Variants in ABCC9 observed in about 807,000 individuals in gnomAD.
ABCC9 encodes ATP-binding cassette sub-family C member 9.
Under a neutral mutation model 188.3 loss-of-function variants are expected in ABCC9, and 95 were observed. That is an observed-to-expected ratio of 0.50 (90% CI 0.43 to 0.60). ABCC9 has a LOEUF of 0.60. Among genes scored for constraint, ABCC9 ranks in the 20% least tolerant of loss-of-function variants. The pLI is 0.00. For missense variants in ABCC9, 1,102 were observed against 1,876.3 expected (o/e 0.59, Z 7.62); for synonymous variants, 659 against 652.7 (o/e 1.01, Z -0.15).
At chr12:21,851,615 C>T (rs1944968480) in intron 24 of ABCC9, among the ~76,000 whole-genome samples, 1 of 152,116 alleles carries the variant, frequency 6.6e-6, no homozygotes, top group Non-Finnish European at 1.5e-5. Flanking sequence ...TCTTTCACCC[C>T]AGAAGCCTTA....
At chr12:21,849,289 A>G (rs1158281999) in intron 24 of ABCC9, among the ~76,000 whole-genome samples, 1 of 152,094 alleles carries the variant, frequency 6.6e-6, no homozygotes, top group Non-Finnish European at 1.5e-5. Flanking sequence ...CTCATACAAC[A>G]TGTCTGATTT....
chr12:21,807,562 T>C (rs2137119361), intron 37 of ABCC9, 83 bp from the exon 38 acceptor site: 1 of 1,581,040 alleles, frequency 6.3e-7, no homozygotes, highest in Non-Finnish European at 8.7e-7. Context: ...AAACACATTA[T>C]GTTGTATGAC....
chr12:21,876,069 T>TAA (rs1454951923), intron 16 of ABCC9, among the ~76,000 whole-genome samples: 1 of 151,712 alleles, frequency 6.6e-6, no homozygotes, highest in Non-Finnish European at 1.5e-5. Flanking sequence ...TAAAATAAAA[T>TAA]AAAATAAAAA....
At chr12:21,937,702 A>T (rs1165445897) in intron 2 of ABCC9, among the ~76,000 whole-genome samples, 5 of 152,216 alleles carry the variant, frequency 3.3e-5, no homozygotes, top group African/African-American at 1.2e-4. Context: ...GGCACTTTGC[A>T]TATCTTAAAT....
At chr12:21,825,839 C>G (rs61928477) in intron 31 of ABCC9, among the ~76,000 whole-genome samples, 3,485 of 151,978 alleles carry the variant, frequency 0.023, 52 homozygotes, top group Non-Finnish European at 0.038. Context: ...GGAGAACGTC[C>G]CAAATTCAAC....
chr12:21,935,752 T>C (rs759274178), intron 3 of ABCC9, among the ~76,000 whole-genome samples: 84 of 152,228 alleles, frequency 5.5e-4, no homozygotes, highest in Admixed American at 1.2e-3. Context: ...ATTCTTTAGA[T>C]GAGCGTTGGT....
intron 11 of ABCC9, among the ~76,000 whole-genome samples, chr12:21,907,341 G>T (rs1405164224): frequency 6.6e-6 from 1 of 151,984 alleles, no homozygotes; most frequent in African/African-American, 2.4e-5. Context: ...CATGCAACTC[G>T]CTTGTCATAG....
In ABCC9 at chr12:21,845,711, C is replaced by G; in HGVS notation, c.2988G>C (p.Leu996=). The change falls in exon 26 of 40, where the codon CTG becomes CTC. Residue 996 remains leucine (L), a synonymous_variant. Transcript: ENST00000261200. Reference sequence around the variant, plus strand: ...GCTTCAAAAGCTTAGAGAAAATCATCAGGATGAGCAGGAAGAATCCTCCAG... The same window carrying G: ...GCTTCAAAAGCTTAGAGAAAATCATGAGGATGAGCAGGAAGAATCCTCCAG... ...LTSGGFFLLI[L]MIFSKLLKHS... The G allele has an allele frequency of 6.2e-7, 1 of 1,613,880 alleles. No individual in the cohort carries two copies. The highest frequency in any genetic ancestry group is 8.5e-7 in the Non-Finnish European group (1 of 1,179,852).
At chr12:21,925,682 C>A (rs1041358681) in intron 5 of ABCC9, 4 of 623,540 alleles carry the variant, frequency 6.4e-6, no homozygotes, top group Admixed American at 5.2e-5. Context: ...TTTCTTCCCC[C>A]ACCCCCCTAC....
chr12:21,852,577 T>C lies in ABCC9; in HGVS notation c.2506-72A>G. ...TACATAACTCAATTCCTCTCGAAAA[T>C]AGTAATACAAATAACTAAGGGCAAA... On this transcript the variant is annotated intron_variant, in intron 22 of 39. Coordinates refer to ENST00000261200, the MANE Select transcript of ABCC9 (RefSeq NM_020297.4). 17 of 1,538,150 alleles carry C rather than the reference T, an allele frequency of 1.1e-5. No homozygotes were observed. The East Asian group carries it at 1.4e-4, about 12-fold the overall frequency.
At chr12:21,925,597 C>T (rs981004294) in intron 5 of ABCC9, 5 of 684,388 alleles carry the variant, frequency 7.3e-6, no homozygotes, top group East Asian at 2.7e-5. Context: ...AGCATGGTGC[C>T]GCAGCTCCTC....
rs59299764 is a variant in ABCC9, at chr12:21,816,842, G to A, written c.3892+345C>T. On this transcript the variant is annotated intron_variant, in intron 33 of 39. Transcript: ENST00000261200. ...CTAGCAAAGTTGGGAATCTCAGTCC[G>A]TATTTTAAGATCCAAATTTCTTGAC... Among the ~76,000 whole-genome samples the A allele has an allele frequency of 1.9e-3, 296 of 152,256 alleles. 1 individual carries two copies. Among genetic ancestry groups the A allele is most frequent in the African/African-American group, 6.6e-3 (275 of 41,570 alleles).
chr12:21,895,649 G>A lies in ABCC9; in HGVS notation c.1619-334C>T, dbSNP rs77851365. 9.2e-3 allele frequency among the ~76,000 whole-genome samples: 1,397 copies of A among 152,274 alleles called. 30 individuals carry two copies. Among genetic ancestry groups the A allele is most frequent in the African/African-American group, 0.032 (1,340 of 41,558 alleles). On this transcript the variant is annotated intron_variant, in intron 12 of 39. Coordinates refer to ENST00000261200, the MANE Select transcript of ABCC9 (RefSeq NM_020297.4). ...ATGTGTATTCTACAGAGGGGTTACA[G>A]TCTATCTTTTGTTTAGTCCACTAAA...
rs1941214634 is a variant in ABCC9 at position 21,797,613 on chromosome 12, C to A, written c.*3431G>T. 1 of 152,082 alleles carries A rather than the reference C, an allele frequency of 6.6e-6. No homozygotes were observed. The highest frequency in any genetic ancestry group is 1.5e-5 in the Non-Finnish European group (1 of 68,022). The allele number at this position is 152,082 out of a possible 1,614,324, so 9.4% of individuals were successfully genotyped here. A position where few individuals can be genotyped will look rare whatever the true frequency, so the allele number is the denominator to read the frequency against. On this transcript the variant is annotated 3_prime_UTR_variant, in exon 40 of 40. Transcript: ENST00000261200. Reference sequence around the variant, plus strand: ...TCAATCAACCCTACTGTGGGTTAGGCACTTGTATTAAATTCCAAGGGCACA... The same window carrying A: ...TCAATCAACCCTACTGTGGGTTAGGAACTTGTATTAAATTCCAAGGGCACA...
At chr12:21,822,209 A>G (rs1943076744) in intron 31 of ABCC9, among the ~76,000 whole-genome samples, 1 of 152,084 alleles carries the variant, frequency 6.6e-6, no homozygotes, top group Non-Finnish European at 1.5e-5. Context: ...TTATAAAAAT[A>G]TTTTTAAACT....
chr12:21,868,608 C>T (rs951970177), intron 18 of ABCC9, among the ~76,000 whole-genome samples: 1 of 152,110 alleles, frequency 6.6e-6, no homozygotes, highest in African/African-American at 2.4e-5. Context: ...CACTGCACTC[C>T]AGCCTGGGCA....
intron 36 of ABCC9, among the ~76,000 whole-genome samples, chr12:21,810,614 T>C (rs576726934): frequency 2.0e-5 from 3 of 152,218 alleles, no homozygotes; most frequent in South Asian, 2.1e-4. Context: ...CTCACTATTA[T>C]GAGAACAGCA....
chr12:21,916,764 AT>A (rs1396874093), intron 6 of ABCC9, among the ~76,000 whole-genome samples, 172 bp downstream of exon 6: 3 of 152,194 alleles, frequency 2.0e-5, no homozygotes, highest in Non-Finnish European at 4.4e-5. Flanking sequence ...TCACACTGAG[AT>A]TTCTGAAACA....
intron 24 of ABCC9, among the ~76,000 whole-genome samples, chr12:21,851,182 G>T (rs1319995253): frequency 6.6e-6 from 1 of 152,012 alleles, no homozygotes; most frequent in East Asian, 1.9e-4. Flanking sequence ...AATACCAAGT[G>T]CTGGACACTT....
Sources: gnomAD v4.1 joint callset for allele counts (sites outside exome capture counted in the v4.1 genomes callset) on GRCh38, gnomAD v4.1.1 for gene constraint, MANE v1.5 for transcripts, NCBI Gene and HGNC (gene_info 2026-07-23, HGNC 2026-07-21) for gene names.